Variants in EYS observed in about 807,000 individuals in gnomAD.
EYS encodes protein eyes shut homolog.
In EYS, 250 loss-of-function variants were observed where a neutral mutation model predicts 282.1. The observed-to-expected ratio is 0.89, with a 90% confidence interval of 0.80 to 0.98. EYS has a LOEUF of 0.98. Ranked by LOEUF, EYS falls within the 50% of genes least tolerant of loss-of-function variation. The pLI, the probability that EYS is intolerant of heterozygous loss-of-function variation, is 0.00. For synonymous variants in EYS, 1,355 were observed against 1,282.9 expected, an observed-to-expected ratio of 1.06 and a Z score of -1.20; for missense variants, 4,016 against 3,709.0, an observed-to-expected ratio of 1.08 and a Z score of -2.15.
rs537331282 is a variant in EYS at position 64,854,338 on chromosome 6, T to G, written c.2993-31516A>C. Among the ~76,000 whole-genome samples, 643 of 152,062 alleles carry G rather than the reference T, an allele frequency of 4.2e-3. 2 individuals carry two copies. The highest frequency in any genetic ancestry group is 0.015 in the African/African-American group (608 of 41,452). On this transcript the variant is annotated intron_variant, in intron 19 of 42. Transcript: ENST00000503581. ...CGGCACTATTCACAATAGAAAAGAC[T>G]TGGAACCAACCCAAATGTCCAACAA...
intron 19 of EYS, among the ~76,000 whole-genome samples, chr6:64,863,116 TGGG>T (rs1352602137): frequency 4.6e-4 from 70 of 152,310 alleles, no homozygotes; most frequent in African/African-American, 1.6e-3. Context: ...CATAGGTTAC[TGGG>T]TCTATACATA....
At chr6:63,741,857 C>G in intron 41 of EYS, 2 of 698,854 alleles carry the variant, frequency 2.9e-6, no homozygotes, top group South Asian at 3.0e-5. Context: ...GAAAGCTGTA[C>G]TAGGGTAGTC....
At chr6:65,593,868 T>C (rs2127369864) in intron 2 of EYS, among the ~76,000 whole-genome samples, 1 of 152,098 alleles carries the variant, frequency 6.6e-6, no homozygotes, top group South Asian at 2.1e-4. Context: ...ACATAGAATG[T>C]ACCAGGTATT....
At chr6:65,045,110 T>C (rs1002287825) in intron 13 of EYS, among the ~76,000 whole-genome samples, 1 of 151,900 alleles carries the variant, frequency 6.6e-6, no homozygotes, top group African/African-American at 2.4e-5. Context: ...GAGTTCACAA[T>C]TGTCATCTGA....
At chr6:64,314,664 C>G (rs1014882012) in intron 29 of EYS, among the ~76,000 whole-genome samples, 2 of 152,132 alleles carry the variant, frequency 1.3e-5, no homozygotes, top group Non-Finnish European at 2.9e-5. Context: ...AACTGTACAA[C>G]TTGCTCCTGA....
At chr6:63,876,720 A>G (rs1291669229) in intron 35 of EYS, among the ~76,000 whole-genome samples, 1 of 152,174 alleles carries the variant, frequency 6.6e-6, no homozygotes, top group Non-Finnish European at 1.5e-5. Flanking sequence ...AACATTATAT[A>G]ATGGCCTTCT....
intron 2 of EYS, among the ~76,000 whole-genome samples, chr6:65,586,197 T>C (rs1765038762): frequency 6.6e-6 from 1 of 152,036 alleles, no homozygotes; most frequent in South Asian, 2.1e-4. Context: ...CTCTTGTAAC[T>C]ATACACATAG....
chr6:64,268,375 G>C (rs1767829144), intron 30 of EYS, among the ~76,000 whole-genome samples: 1 of 152,116 alleles, frequency 6.6e-6, no homozygotes, highest in East Asian at 1.9e-4. Flanking sequence ...TTGGGGAATA[G>C]AGATAGAGTT....
At chr6:64,702,636 G>T (rs1026319358) in intron 22 of EYS, among the ~76,000 whole-genome samples, 1 of 151,986 alleles carries the variant, frequency 6.6e-6, no homozygotes, top group African/African-American at 2.4e-5. Context: ...CCTTTCTGTT[G>T]ATCTCTGGGT....
chr6:65,410,521 A>G (rs538336902), intron 5 of EYS, among the ~76,000 whole-genome samples: 2 of 151,748 alleles, frequency 1.3e-5, no homozygotes, highest in East Asian at 3.9e-4. Context: ...GTACCTGTTG[A>G]CAAACCTCTA....
At chr6:64,413,854 T>G (rs1055810452) in intron 28 of EYS, among the ~76,000 whole-genome samples, 5 of 152,132 alleles carry the variant, frequency 3.3e-5, no homozygotes, top group African/African-American at 1.2e-4. Context: ...GGATGTGACA[T>G]GTTTGAGAGG....
chr6:63,808,092 A>G (rs192245307), intron 36 of EYS, among the ~76,000 whole-genome samples: 68 of 152,294 alleles, frequency 4.5e-4, no homozygotes, highest in Admixed American at 2.3e-3. Flanking sequence ...TACTGTCAGA[A>G]CCTGTGCTAG....
At position 65,634,171 on chromosome 6, in the gene EYS, A is replaced by T. The variant is rs569741571; in HGVS notation, c.-333+5607T>A. Among the ~76,000 whole-genome samples, 87 of 152,322 alleles carry T rather than the reference A, an allele frequency of 5.7e-4. 1 individual carries two copies. Among genetic ancestry groups the T allele is most frequent in the African/African-American group, 2.0e-3 (82 of 41,560 alleles). ...TGGGATTGCAGTCATTACTTAGTAT[A>T]CATGAAGAGACAAACATATGGACAA... is the stretch of plus-strand genomic sequence containing the variant. On this transcript the variant is annotated intron_variant, in intron 2 of 42. Transcript: ENST00000503581.
At chr6:64,804,277 A>C (rs1764358114) in intron 22 of EYS, among the ~76,000 whole-genome samples, 1 of 152,246 alleles carries the variant, frequency 6.6e-6, no homozygotes. Flanking sequence ...GTATTATTAA[A>C]GATTAACTTT....
intron 22 of EYS, among the ~76,000 whole-genome samples, chr6:64,660,968 C>T (rs1203600355): frequency 6.6e-6 from 1 of 152,188 alleles, no homozygotes; most frequent in African/African-American, 2.4e-5. Context: ...GGAGGCATCA[C>T]ACTACCTGAC....
intron 13 of EYS, among the ~76,000 whole-genome samples, chr6:65,049,681 G>C (rs1473672934): frequency 1.3e-5 from 2 of 151,690 alleles, no homozygotes; most frequent in Non-Finnish European, 3.0e-5. Context: ...TGAATTCAAT[G>C]CAAACAACCC....
intron 19 of EYS, among the ~76,000 whole-genome samples, chr6:64,838,457 A>G (rs1430400462): frequency 2.0e-5 from 3 of 151,952 alleles, no homozygotes; most frequent in Non-Finnish European, 2.9e-5. Context: ...TGCTGGTTAA[A>G]TGAGAGTAAA....
intron 7 of EYS, among the ~76,000 whole-genome samples, chr6:65,388,132 T>C (rs1765870311): frequency 6.6e-6 from 1 of 152,050 alleles, no homozygotes; most frequent in Non-Finnish European, 1.5e-5. Flanking sequence ...ACAAGGTCAC[T>C]GCCTGGATTT....
At chr6:64,634,027 A>T (rs1330787915) in intron 22 of EYS, among the ~76,000 whole-genome samples, 1 of 152,162 alleles carries the variant, frequency 6.6e-6, no homozygotes, top group Admixed American at 6.5e-5. Flanking sequence ...TCTGACATCC[A>T]GGCTGGAGAG....
Sources: allele counts gnomAD v4.1 joint callset (sites outside exome capture counted in the v4.1 genomes callset), GRCh38; gene constraint gnomAD v4.1.1; transcripts MANE v1.5; gene names NCBI Gene and HGNC (gene_info 2026-07-23, HGNC 2026-07-21).